DPH6: variants seen among roughly 807,000 people sequenced by gnomAD.
DPH6 encodes the protein diphthamine biosynthesis 6, also known as diphthine--ammonia ligase.
DPH6 carries 33 observed loss-of-function variants against 38.2 expected under a neutral mutation model. That is an observed-to-expected ratio of 0.86 (90% CI 0.65 to 1.15). The LOEUF is 1.15. DPH6 is among the 50% of genes most tolerant of loss of function. The probability of loss-of-function intolerance (pLI) is 0.00; values close to 1 mark genes in which losing one functional copy is unlikely to be tolerated. For synonymous variants in DPH6, 108 were observed against 103.0 expected, an observed-to-expected ratio of 1.05 and a Z score of -0.30; for missense variants, 325 against 320.0, an observed-to-expected ratio of 1.02 and a Z score of -0.12.
Position 35,373,626 on chromosome 15 carries a change from T to C in DPH6, c.663-18A>G. The C allele has an allele frequency of 6.3e-7, 1 of 1,595,684 alleles. No homozygotes were observed. The highest frequency in any genetic ancestry group is 2.3e-5 in the East Asian group (1 of 44,318). ...ATGAATCCCTGAAATACAAAAATTT[T>C]ACAATACATTTATATGCTACAAAAA... On this transcript the variant is annotated intron_variant, in intron 7 of 8. Coordinates refer to ENST00000256538, the MANE Select transcript of DPH6 (RefSeq NM_080650.4).
chr15:35,513,337 G>A (rs945846114), intron 3 of DPH6, among the ~76,000 whole-genome samples: 1 of 151,898 alleles, frequency 6.6e-6, no homozygotes, highest in Non-Finnish European at 1.5e-5. Flanking sequence ...GAACATGGGT[G>A]AGTACGCTGT....
intron 3 of DPH6, among the ~76,000 whole-genome samples, chr15:35,220,805 C>T (rs2051437557): frequency 1.3e-5 from 2 of 152,022 alleles, no homozygotes; most frequent in Non-Finnish European, 2.9e-5. Flanking sequence ...ACACAAGGGG[C>T]AGTATTGAAA....
At chr15:35,466,769 A>G (rs2054131460) in intron 3 of DPH6, among the ~76,000 whole-genome samples, 1 of 152,234 alleles carries the variant, frequency 6.6e-6, no homozygotes. Context: ...ATAAACCTGT[A>G]CAGCATATTA....
intron 3 of DPH6, among the ~76,000 whole-genome samples, chr15:35,351,446 GTTAA>G (rs1349359773): frequency 3.9e-5 from 6 of 152,020 alleles, no homozygotes; most frequent in African/African-American, 1.2e-4. Flanking sequence ...TTGCCATTTG[GTTAA>G]TTTTTTCTTT....
At chr15:35,213,850 C>T (rs941588370), downstream of DPH6, among the ~76,000 whole-genome samples, 31 of 152,292 alleles carry the variant, frequency 2.0e-4, no homozygotes, top group Middle Eastern at 3.4e-3. Flanking sequence ...CGGTGGCTCA[C>T]GCCTGTAATC....
chr15:35,415,165 G>A (rs781215149), intron 5 of DPH6, among the ~76,000 whole-genome samples: 2 of 151,868 alleles, frequency 1.3e-5, no homozygotes, highest in African/African-American at 4.8e-5. Context: ...TGACTGCCAT[G>A]GGTTTGGGAA....
At chr15:35,416,739 A>G (rs2053441029) in intron 5 of DPH6, among the ~76,000 whole-genome samples, 1 of 152,094 alleles carries the variant, frequency 6.6e-6, no homozygotes, top group African/African-American at 2.4e-5. Context: ...TGTTCATTAG[A>G]AAGTGACAAG....
intron 3 of DPH6, chr15:35,520,521 C>G (rs56315947): frequency 0.06 from 58,883 of 983,972 alleles, 2,979 homozygotes; most frequent in African/African-American, 0.25. Context: ...CAATTAAGTA[C>G]AGTGTCAAAG....
rs534126914 is a variant in DPH6 at position 35,407,219 on chromosome 15, G to A, written c.567+3616C>T. Among the ~76,000 whole-genome samples the A allele has an allele frequency of 4.6e-5, 7 of 151,380 alleles. No individual in the cohort carries two copies. In the East Asian group the frequency reaches 9.8e-4, roughly 21 times the overall value. On this transcript the variant is annotated intron_variant, in intron 6 of 8. Coordinates refer to ENST00000256538, the MANE Select transcript of DPH6 (RefSeq NM_080650.4). Reference sequence around the variant, plus strand: ...GGTCAGATTTCTGGTCCCTCGGAGCGGAAATTTGTGGGGATGGAAAAAGAA... The same window carrying A: ...GGTCAGATTTCTGGTCCCTCGGAGCAGAAATTTGTGGGGATGGAAAAAGAA...
intron 3 of DPH6, among the ~76,000 whole-genome samples, chr15:35,488,518 C>T (rs1302840665): frequency 4.6e-5 from 7 of 152,210 alleles, no homozygotes. Context: ...CAAGAAGTGC[C>T]AAACTTTTAA....
intron 5 of DPH6, among the ~76,000 whole-genome samples, chr15:35,414,581 C>T (rs2053412789): frequency 6.6e-6 from 1 of 151,690 alleles, no homozygotes; most frequent in Non-Finnish European, 1.5e-5. Context: ...GCTTTTCTGC[C>T]TTCTATTTTT....
intron 3 of DPH6, among the ~76,000 whole-genome samples, chr15:35,255,821 G>A (rs72625177): frequency 0.036 from 5,423 of 152,162 alleles, 382 homozygotes; most frequent in East Asian, 0.34. Context: ...ATCCTTAGAA[G>A]ATTATTCATT....
exon 4 of DPH6, chr15:35,220,321 G>C (rs1366304187): frequency 6.6e-6 from 1 of 152,120 alleles, no homozygotes; most frequent in African/African-American, 2.4e-5. Flanking sequence ...TTAATATTTT[G>C]GATTAGTGTA....
chr15:35,402,603 A>C (rs1164833768), intron 6 of DPH6, among the ~76,000 whole-genome samples: 1 of 152,154 alleles, frequency 6.6e-6, no homozygotes, highest in Non-Finnish European at 1.5e-5. Context: ...AAATGGTCTT[A>C]GGACATAAAG....
chr15:35,180,814 A>G, the DPH6 span, among the ~76,000 whole-genome samples: 2 of 152,092 alleles, frequency 1.3e-5, no homozygotes, highest in African/African-American at 4.8e-5. Flanking sequence ...AAAAAATGTG[A>G]TATCTTGTCC....
chr15:35,228,437 T>C (rs1447398302), intron 3 of DPH6, among the ~76,000 whole-genome samples: 1 of 152,190 alleles, frequency 6.6e-6, no homozygotes, highest in East Asian at 1.9e-4. Context: ...GTTTTTGTTT[T>C]GTTTTGTTTG....
At chr15:35,165,672 G>C in the DPH6 span, among the ~76,000 whole-genome samples, 1 of 151,882 alleles carries the variant, frequency 6.6e-6, no homozygotes, top group Admixed American at 6.6e-5. Flanking sequence ...GAGCCCAAAA[G>C]TTATTTCAAC....
chr15:35,308,921 T>C (rs1595471083), intron 3 of DPH6, among the ~76,000 whole-genome samples: 1 of 152,344 alleles, frequency 6.6e-6, no homozygotes, highest in East Asian at 1.9e-4. Context: ...CTGGAACATC[T>C]GGTACTAACA....
intron 4 of DPH6, among the ~76,000 whole-genome samples, chr15:35,451,827 G>A (rs1012058265): frequency 2.0e-5 from 3 of 152,218 alleles, no homozygotes; most frequent in African/African-American, 4.8e-5. Flanking sequence ...TGGCTAACAC[G>A]GTGAAACCCC....
Sources: allele counts gnomAD v4.1 joint callset (sites outside exome capture counted in the v4.1 genomes callset), GRCh38; gene constraint gnomAD v4.1.1; transcripts MANE v1.5; gene names NCBI Gene and HGNC (gene_info 2026-07-23, HGNC 2026-07-21).